OPRM1: variants seen among roughly 807,000 people sequenced by gnomAD.
The protein encoded by OPRM1 is opioid receptor mu 1.
In OPRM1, 27 loss-of-function variants were observed where a neutral mutation model predicts 31.8. The ratio of observed to expected loss-of-function variants is 0.85; its 90% confidence interval spans 0.63 to 1.17. The LOEUF is 1.17. Ranked by LOEUF, OPRM1 falls within the 50% of genes most tolerant of loss-of-function variation. The pLI is 0.00. For missense variants in OPRM1, 536 were observed against 511.1 expected (o/e 1.05, Z -0.47); for synonymous variants, 196 against 189.9 (o/e 1.03, Z -0.26).
intron 3 of OPRM1, among the ~76,000 whole-genome samples, chr6:154,143,575 A>G (rs1029163030): frequency 2.0e-5 from 3 of 152,224 alleles, no homozygotes; most frequent in African/African-American, 7.2e-5. Flanking sequence ...GGAGACAGAT[A>G]GATGCTATGG....
intron 3 of OPRM1, among the ~76,000 whole-genome samples, chr6:154,161,032 C>T (rs1918760): frequency 0.67 from 101,715 of 151,930 alleles, 34,688 homozygotes; most frequent in East Asian, 0.89. Context: ...CTTTTGACTT[C>T]CCAGTCTAAT....
chr6:154,200,225 A>G (rs1291168914), intron 3 of OPRM1, among the ~76,000 whole-genome samples: 2 of 152,254 alleles, frequency 1.3e-5, no homozygotes, highest in African/African-American at 4.8e-5. Flanking sequence ...TTCATTCTCC[A>G]AAACTGATTT....
chr6:154,136,018 G>A (rs183819624), downstream of OPRM1, among the ~76,000 whole-genome samples: 1 of 152,282 alleles, frequency 6.6e-6, no homozygotes, highest in East Asian at 1.9e-4. Context: ...CTTACACACA[G>A]AAGGAGAATC....
chr6:154,161,066 C>T (rs1041151288), intron 3 of OPRM1, among the ~76,000 whole-genome samples: 1 of 152,168 alleles, frequency 6.6e-6, no homozygotes, highest in Admixed American at 6.5e-5. Context: ...TTTTCTCACC[C>T]ACACAACACT....
At chr6:154,207,119 G>T (rs1011674710) in intron 3 of OPRM1, among the ~76,000 whole-genome samples, 1 of 152,178 alleles carries the variant, frequency 6.6e-6, no homozygotes, top group African/African-American at 2.4e-5. Context: ...AATAACTCAG[G>T]TCAGGGCTGA....
chr6:154,231,801 A>G (rs1457764382), intron 3 of OPRM1, among the ~76,000 whole-genome samples: 5 of 152,226 alleles, frequency 3.3e-5, no homozygotes, highest in Non-Finnish European at 7.3e-5. Flanking sequence ...TACAGGTTTG[A>G]CTTTGGAATC....
At position 154,039,314 on chromosome 6, in the gene OPRM1, C is replaced by T; in HGVS notation, c.-231C>T. 1 of 1,550,594 alleles carries T rather than the reference C, an allele frequency of 6.4e-7. No individual in the cohort carries two copies. The highest frequency in any genetic ancestry group is 8.7e-7 in the Non-Finnish European group (1 of 1,146,418). ...GCAGCGGTGCGGGGCAGGTGATGAG[C>T]CTCTGTGAACTACTAAGGTGGGAGG... is the stretch of plus-strand genomic sequence containing the variant. On this transcript the variant is annotated 5_prime_UTR_variant, in exon 1 of 4. Coordinates refer to ENST00000330432, the MANE Select transcript of OPRM1 (RefSeq NM_000914.5).
At position 154,129,885 on chromosome 6, in the gene OPRM1, C is replaced by CACACACAA. The variant is rs953187724; in HGVS notation, c.*11165_*11166insCACACAAA. 8.4e-5 allele frequency among the ~76,000 whole-genome samples: 12 copies of CACACACAA among 142,728 alleles called. No individual in the cohort carries two copies. The highest frequency in any genetic ancestry group is 3.1e-4 in the African/African-American group (12 of 38,486). 93.6% of individuals were successfully genotyped at this position (142,728 alleles called of 152,430 possible). On this transcript the variant is annotated 3_prime_UTR_variant, in exon 4 of 4. Coordinates refer to ENST00000330432, the MANE Select transcript of OPRM1 (RefSeq NM_000914.5). Reference sequence around the variant, plus strand: ...ACACACACACACACACACACACACACAACATAGTGAAATGGACCCGTGGGA... The same window carrying CACACACAA: ...ACACACACACACACACACACACACACACACACAAAACATAGTGAAATGGACCCGTGGGA...
At chr6:154,087,670 C>A (rs1203128598) in intron 1 of OPRM1, 2 of 838,358 alleles carry the variant, frequency 2.4e-6, no homozygotes, top group Non-Finnish European at 2.9e-6. Flanking sequence ...AGCATCCTTG[C>A]CATTCACCAT....
intron 3 of OPRM1, among the ~76,000 whole-genome samples, chr6:154,097,474 C>G (rs1295769078): frequency 6.6e-6 from 1 of 151,978 alleles, no homozygotes; most frequent in Admixed American, 6.6e-5. Context: ...AAAAAAAACT[C>G]AAATGAGAAT....
chr6:154,085,322 T>C (rs2128475076), intron 1 of OPRM1, among the ~76,000 whole-genome samples: 1 of 152,340 alleles, frequency 6.6e-6, no homozygotes, highest in South Asian at 2.1e-4. Flanking sequence ...CCAACACTTC[T>C]GGAAGTTCCA....
rs1260389281 is a variant in OPRM1 at position 154,107,645 on chromosome 6, CT to C, written c.1165-11037del. ...GACTATGACATGAACCCTAAAATTC[CT>C]GTTCCCTTGAAGGTGGAGACCAAGA... On this transcript the variant is annotated intron_variant, in intron 3 of 3. Transcript: ENST00000330432. The C allele has an allele frequency of 1.4e-5, 10 of 718,360 alleles. No homozygotes were observed. The Admixed American group carries it at 2.0e-4, about 14-fold the overall frequency. 44.5% of individuals were successfully genotyped at this position (718,360 alleles called of 1,614,324 possible). A position where few individuals can be genotyped will look rare whatever the true frequency, so the allele number is the denominator to read the frequency against.
In OPRM1 at chr6:154,100,179, ATAT is replaced by A. The variant is rs1389484222; in HGVS notation, c.1164+8711_1164+8713del. Among the ~76,000 whole-genome samples the A allele has an allele frequency of 2.4e-5, 3 of 126,140 alleles. 1 individual carries two copies. Among genetic ancestry groups the A allele is most frequent in the Non-Finnish European group, 4.8e-5 (3 of 62,180 alleles). The allele number at this position is 126,140 out of a possible 152,430, so 82.8% of individuals were successfully genotyped here. ...ATGACGTATCATAATATATATTATCATATTATGACATATCATAATATATATTAT... is the reference window on the plus strand; with the variant it reads ...ATGACGTATCATAATATATATTATCATATGACATATCATAATATATATTAT... On this transcript the variant is annotated intron_variant, in intron 3 of 3. Transcript: ENST00000330432.
At chr6:154,246,345 T>C (rs1781041709) in intron 3 of OPRM1, among the ~76,000 whole-genome samples, 1 of 152,224 alleles carries the variant, frequency 6.6e-6, no homozygotes, top group Non-Finnish European at 1.5e-5. Context: ...TTAGCAAGGA[T>C]GTAAATGTCG....
In OPRM1 at chr6:154,128,060, G is replaced by A. The variant is rs1265986492; in HGVS notation, c.*9339G>A. ...CAAGCTACCGCATCTGTATAAATTA[G>A]GTTCAAATAACAGAGTATTTCCAGG... On this transcript the variant is annotated 3_prime_UTR_variant, in exon 4 of 4. Coordinates refer to ENST00000330432, the MANE Select transcript of OPRM1 (RefSeq NM_000914.5). 6.6e-6 allele frequency among the ~76,000 whole-genome samples: 1 copy of A among 152,068 alleles called. No homozygotes were observed. Among genetic ancestry groups the A allele is most frequent in the Non-Finnish European group, 1.5e-5 (1 of 68,014 alleles).
intron 3 of OPRM1, among the ~76,000 whole-genome samples, chr6:154,115,483 T>C (rs1796767182): frequency 6.6e-6 from 1 of 152,174 alleles, no homozygotes; most frequent in East Asian, 1.9e-4. Flanking sequence ...GAGGTTGCAG[T>C]GAGCAGAGAT....
chr6:154,167,570 C>T (rs1251101727), intron 3 of OPRM1, among the ~76,000 whole-genome samples: 1 of 152,214 alleles, frequency 6.6e-6, no homozygotes, highest in Non-Finnish European at 1.5e-5. Flanking sequence ...AGTTGATGAT[C>T]TCTGTCTCTC....
intron 3 of OPRM1, among the ~76,000 whole-genome samples, chr6:154,109,827 T>TGTGC (rs1180452821): frequency 1.3e-5 from 2 of 148,152 alleles, no homozygotes; most frequent in African/African-American, 5.0e-5. Context: ...TGTGTGTGTG[T>TGTGC]GTGTGTTGCA....
chr6:154,239,972 G>C (rs983496689), intron 3 of OPRM1, among the ~76,000 whole-genome samples: 2 of 152,192 alleles, frequency 1.3e-5, no homozygotes, highest in Non-Finnish European at 2.9e-5. Context: ...AAAGTGCTGG[G>C]ACTACAGGCG....
Sources: allele counts gnomAD v4.1 joint callset (sites outside exome capture counted in the v4.1 genomes callset), GRCh38; gene constraint gnomAD v4.1.1; transcripts MANE v1.5; gene names NCBI Gene and HGNC (gene_info 2026-07-23, HGNC 2026-07-21).